The following BLNK variants were observed in gnomAD, a reference collection of about 807,000 sequenced individuals.
BLNK encodes B-cell linker protein.
BLNK carries 29 observed loss-of-function variants against 73.5 expected under a neutral mutation model. The ratio of observed to expected loss-of-function variants is 0.39; its 90% CI spans 0.29 to 0.54. The LOEUF (loss-of-function observed/expected upper bound fraction) is 0.54, where lower values mean the gene tolerates loss of function less well. Ranked by LOEUF, BLNK falls within the 20% of genes least tolerant of loss-of-function variation. The pLI is 0.61. For synonymous variants in BLNK, 176 were observed against 200.8 expected, an observed-to-expected ratio of 0.88 and a Z score of 1.04; for missense variants, 460 against 562.8, an observed-to-expected ratio of 0.82 and a Z score of 1.85.
chr10:96,250,318 G>A (rs540828205), intron 1 of BLNK, among the ~76,000 whole-genome samples: 1 of 151,902 alleles, frequency 6.6e-6, no homozygotes, highest in Admixed American at 6.6e-5. Flanking sequence ...TTTTCCTGAG[G>A]AACTATAGAG....
chr10:96,189,866 A>T lies in BLNK; in HGVS notation c.*2107T>A. On this transcript the variant is annotated 3_prime_UTR_variant, in exon 17 of 17. Transcript: ENST00000224337. ...ATCTTCTGACTCTGCATCTTCCTCC[A>T]CAGCTACTAAATGCTGTCCACTAAT... The T allele has an allele frequency of 8.3e-7, 1 of 1,203,552 alleles. No individual in the cohort carries two copies. The highest frequency in any genetic ancestry group is 1.2e-6 in the Non-Finnish European group (1 of 820,094). The allele number at this position is 1,203,552 out of a possible 1,614,324, so 74.6% of individuals were successfully genotyped here.
intron 13 of BLNK, 67 bp downstream of exon 13, chr10:96,203,990 G>T: frequency 7.3e-7 from 1 of 1,367,300 alleles, no homozygotes; most frequent in Non-Finnish European, 1.0e-6. Context: ...TAGAACCCAG[G>T]CCTATCAGAC....
intron 1 of BLNK, among the ~76,000 whole-genome samples, chr10:96,262,215 T>A (rs895391738): frequency 1.3e-5 from 2 of 152,164 alleles, no homozygotes; most frequent in Non-Finnish European, 2.9e-5. Context: ...TAGTGACAGA[T>A]GACTCAGTGC....
At chr10:96,248,924 T>TA in intron 1 of BLNK, among the ~76,000 whole-genome samples, 1 of 152,278 alleles carries the variant, frequency 6.6e-6, no homozygotes, top group Admixed American at 6.5e-5. Context: ...TCATTTGTAT[T>TA]ATCTGTGTTA....
intron 1 of BLNK, among the ~76,000 whole-genome samples, chr10:96,254,498 A>AGTTTTTTTTTTGTTTTGTTTT (rs1255421869): frequency 1.3e-5 from 2 of 150,346 alleles, no homozygotes; most frequent in Non-Finnish European, 3.0e-5. Flanking sequence ...TTCTTCAATG[A>AGTTTTTTTTTTGTTTTGTTTT]GTTTTTTTTT....
chr10:96,224,823 A>T (rs782424290), intron 5 of BLNK, among the ~76,000 whole-genome samples: 2 of 151,802 alleles, frequency 1.3e-5, no homozygotes, highest in Non-Finnish European at 2.9e-5. Context: ...TCAGCCTCTG[A>T]AGTAGCTGGG....
chr10:96,212,193 C>G (rs2083964255), intron 8 of BLNK, among the ~76,000 whole-genome samples: 1 of 152,096 alleles, frequency 6.6e-6, no homozygotes, highest in African/African-American at 2.4e-5. Flanking sequence ...GGTGGAAAGC[C>G]TATGGTCTTG....
chr10:96,259,088 G>A (rs1554911953), intron 1 of BLNK, among the ~76,000 whole-genome samples: 1 of 152,218 alleles, frequency 6.6e-6, no homozygotes, highest in African/African-American at 2.4e-5. Flanking sequence ...CACTCTGGAT[G>A]ATACAGGCTA....
chr10:96,240,572 A>G (rs1263062875), intron 3 of BLNK, among the ~76,000 whole-genome samples: 1 of 152,062 alleles, frequency 6.6e-6, no homozygotes, highest in Non-Finnish European at 1.5e-5. Flanking sequence ...ACTTTTCTTC[A>G]TATTTAAAGG....
At chr10:96,228,803 G>A (rs1441018797) in intron 4 of BLNK, among the ~76,000 whole-genome samples, 5 of 152,126 alleles carry the variant, frequency 3.3e-5, no homozygotes, top group Non-Finnish European at 5.9e-5. Context: ...AGGTCCTCTG[G>A]CCTCTGTGTC....
chr10:96,268,316 C>T (rs1844108551), intron 1 of BLNK, among the ~76,000 whole-genome samples: 1 of 152,114 alleles, frequency 6.6e-6, no homozygotes, highest in South Asian at 2.1e-4. Context: ...AAATGTTCCC[C>T]TAGAAAGGTG....
chr10:96,190,187 G>A lies in BLNK; in HGVS notation c.*1786C>T. On this transcript the variant is annotated 3_prime_UTR_variant, in exon 17 of 17. Coordinates refer to ENST00000224337, the MANE Select transcript of BLNK (RefSeq NM_013314.4). Reference sequence around the variant, plus strand: ...CTGAAAAGATAGTTCTGGGCCTCAGGGGGCTCACGTCCATGTCCATCGAAT... The same window carrying A: ...CTGAAAAGATAGTTCTGGGCCTCAGAGGGCTCACGTCCATGTCCATCGAAT... 1 of 794,666 alleles carries A rather than the reference G, an allele frequency of 1.3e-6. No homozygotes were observed. The highest frequency in any genetic ancestry group is 2.2e-6 in the Non-Finnish European group (1 of 449,820). 49.2% of individuals were successfully genotyped at this position (794,666 alleles called of 1,614,324 possible). A position where few individuals can be genotyped will look rare whatever the true frequency, so the allele number is the denominator to read the frequency against.
At chr10:96,229,408 G>T (rs192930688) in intron 4 of BLNK, among the ~76,000 whole-genome samples, 1 of 152,158 alleles carries the variant, frequency 6.6e-6, no homozygotes, top group Non-Finnish European at 1.5e-5. Flanking sequence ...TTCATTCTGC[G>T]TGCAGTGGGG....
intron 12 of BLNK, 177 bp downstream of exon 12, chr10:96,204,355 A>G (rs112528856): frequency 1.2e-5 from 9 of 770,356 alleles, no homozygotes; most frequent in African/African-American, 5.2e-5. Flanking sequence ...AGGTCTCTGC[A>G]ACTCTACACA....
At chr10:96,258,822 C>A (rs1402743310) in intron 1 of BLNK, among the ~76,000 whole-genome samples, 1 of 152,108 alleles carries the variant, frequency 6.6e-6, no homozygotes, top group Non-Finnish European at 1.5e-5. Context: ...TCACAACTAC[C>A]CTGTGAGGGA....
chr10:96,226,718 G>C (rs1842278978), intron 5 of BLNK, among the ~76,000 whole-genome samples: 1 of 152,084 alleles, frequency 6.6e-6, no homozygotes, highest in Admixed American at 6.6e-5. Flanking sequence ...GTGGGTGCCT[G>C]TGGACCCAGC....
At chr10:96,214,927 G>T (rs1175456397) in intron 8 of BLNK, among the ~76,000 whole-genome samples, 2 of 152,126 alleles carry the variant, frequency 1.3e-5, no homozygotes, top group Non-Finnish European at 2.9e-5. Context: ...GCCCAAGGTG[G>T]CATAGCTGGT....
intron 1 of BLNK, among the ~76,000 whole-genome samples, chr10:96,264,277 C>T (rs1843888803): frequency 6.6e-6 from 1 of 152,230 alleles, no homozygotes; most frequent in African/African-American, 2.4e-5. Flanking sequence ...CACAGGGTGT[C>T]CAATGGGAGG....
rs186750400 is a variant in BLNK at position 96,230,906 on chromosome 10, C to A, written c.164-72G>T. The stretch of plus-strand genomic sequence containing the variant: ...TGGCCAGCCCCAGCCCATCCACACA[C>A]ATTTCGCACCTGCCTTCCCTTCCCT... On this transcript the variant is annotated intron_variant, in intron 3 of 16. Coordinates refer to ENST00000224337, the MANE Select transcript of BLNK (RefSeq NM_013314.4). 1.8e-4 allele frequency: 271 copies of A among 1,502,890 alleles called. 1 individual carries two copies. In the Admixed American group the frequency reaches 4.8e-3, roughly 26 times the overall value. The allele number at this position is 1,502,890 out of a possible 1,614,324, so 93.1% of individuals were successfully genotyped here.
Sources: gnomAD v4.1 joint callset for allele counts (sites outside exome capture counted in the v4.1 genomes callset) on GRCh38, gnomAD v4.1.1 for gene constraint, MANE v1.5 for transcripts, NCBI Gene and HGNC (gene_info 2026-07-23, HGNC 2026-07-21) for gene names.